The following KIAA1328 variants were observed in gnomAD, a reference collection of about 807,000 sequenced individuals.
The protein encoded by KIAA1328 is KIAA1328, also known as protein hinderin.
In KIAA1328, 52 loss-of-function variants were observed where a neutral mutation model predicts 68.1. The ratio of observed to expected loss-of-function variants is 0.76; its 90% CI spans 0.61 to 0.96. The LOEUF is 0.96. Among genes scored for constraint, KIAA1328 ranks in the 40% least tolerant of loss-of-function variants. The probability of loss-of-function intolerance (pLI) is 0.00; values close to 1 mark genes in which losing one functional copy is unlikely to be tolerated. For synonymous variants in KIAA1328, 232 were observed against 239.4 expected (o/e 0.97, Z 0.28); for missense variants, 641 against 677.6 (o/e 0.95, Z 0.60).
chr18:36,985,169 G>A (rs1010575416), intron 6 of KIAA1328, among the ~76,000 whole-genome samples: 4 of 151,864 alleles, frequency 2.6e-5, no homozygotes, highest in Non-Finnish European at 5.9e-5. Context: ...ACTGAGACAT[G>A]GTGGCCTTTG....
chr18:37,000,425 C>T lies in KIAA1328; in HGVS notation c.576+40990C>T, dbSNP rs2053545506. On this transcript the variant is annotated intron_variant, in intron 6 of 9. Transcript: ENST00000280020. ...CAGTAAAAGTGGGGGACTTCAACAC[C>T]CCACTCTCAGCATTAGATCATCAAG... 2.0e-5 allele frequency among the ~76,000 whole-genome samples: 3 copies of T among 151,882 alleles called. No individual in the cohort carries two copies. In the South Asian group the frequency reaches 6.2e-4, roughly 32 times the overall value.
chr18:37,160,921 A>G (rs1305135303), intron 8 of KIAA1328, among the ~76,000 whole-genome samples: 1 of 152,204 alleles, frequency 6.6e-6, no homozygotes, highest in East Asian at 1.9e-4. Context: ...ATAAGTAACT[A>G]TGTTAAATGT....
At chr18:36,863,307 CT>C (rs1416994176) in intron 4 of KIAA1328, among the ~76,000 whole-genome samples, 4 of 150,942 alleles carry the variant, frequency 2.7e-5, no homozygotes, top group Admixed American at 6.6e-5. Context: ...TTGTTGAAAT[CT>C]TTTTTGCACT....
At chr18:36,847,779 G>T (rs923061484) in intron 4 of KIAA1328, among the ~76,000 whole-genome samples, 1 of 151,364 alleles carries the variant, frequency 6.6e-6, no homozygotes, top group Non-Finnish European at 1.5e-5. Flanking sequence ...TGTGGTCCAG[G>T]CTTTTAGTGC....
At chr18:36,984,286 G>T (rs1442321443) in intron 6 of KIAA1328, among the ~76,000 whole-genome samples, 1 of 151,988 alleles carries the variant, frequency 6.6e-6, no homozygotes, top group Admixed American at 6.6e-5. Context: ...ATTAATAAAA[G>T]ACATCCAAAT....
rs763105137 is a variant in KIAA1328 at position 37,067,366 on chromosome 18, A to G, written c.1053A>G (p.Ala351=). The G allele has an allele frequency of 1.4e-5, 22 of 1,613,718 alleles. No homozygotes were observed. In the East Asian group the frequency reaches 4.5e-4, roughly 33 times the overall value. The change falls in exon 7 of 10, where the codon GCA becomes GCG. Residue 351 remains alanine, a synonymous_variant. Transcript: ENST00000280020. ...CATCTCTGGTGCATGGTGGTGGGGC[A>G]CTGCAACCCATTGAAACTTTGAAAA... ...SWASLVHGGG[A]LQPIETLKKQ...
intron 4 of KIAA1328, among the ~76,000 whole-genome samples, chr18:36,851,908 G>T (rs1361293429): frequency 6.6e-6 from 1 of 151,726 alleles, no homozygotes; most frequent in African/African-American, 2.4e-5. Context: ...TTAATTTAAG[G>T]TAGGAATTTA....
At chr18:36,865,738 G>T (rs1265969150) in intron 4 of KIAA1328, among the ~76,000 whole-genome samples, 1 of 152,104 alleles carries the variant, frequency 6.6e-6, no homozygotes, top group Non-Finnish European at 1.5e-5. Context: ...CAGCACACCA[G>T]TTCAGGATAC....
At chr18:37,077,377 T>A (rs886237479) in intron 7 of KIAA1328, among the ~76,000 whole-genome samples, 14 of 147,262 alleles carry the variant, frequency 9.5e-5, no homozygotes, top group African/African-American at 3.7e-4. Context: ...GCCAATACCA[T>A]ACTGAATGGG....
chr18:37,079,498 A>G (rs2056873163), intron 7 of KIAA1328, among the ~76,000 whole-genome samples: 1 of 151,106 alleles, frequency 6.6e-6, no homozygotes, highest in African/African-American at 2.4e-5. Context: ...AAATAAAATA[A>G]AAATAAAAAT....
intron 7 of KIAA1328, among the ~76,000 whole-genome samples, chr18:37,110,710 G>A (rs1272932291): frequency 6.6e-6 from 1 of 152,188 alleles, no homozygotes; most frequent in Non-Finnish European, 1.5e-5. Flanking sequence ...AAGTTTATGT[G>A]AAGATAGATG....
chr18:37,020,721 A>G (rs2054315378), intron 6 of KIAA1328, among the ~76,000 whole-genome samples: 1 of 152,152 alleles, frequency 6.6e-6, no homozygotes, highest in Non-Finnish European at 1.5e-5. Context: ...AGGTGTATGG[A>G]TCACCTTTTA....
intron 9 of KIAA1328, among the ~76,000 whole-genome samples, chr18:37,173,334 C>G (rs2059537339): frequency 6.6e-6 from 1 of 152,134 alleles, no homozygotes; most frequent in African/African-American, 2.4e-5. Context: ...TATCCTTCAC[C>G]AGAAAGTCTG....
intron 7 of KIAA1328, among the ~76,000 whole-genome samples, chr18:37,085,300 C>T (rs751361162): frequency 6.6e-6 from 1 of 152,136 alleles, no homozygotes; most frequent in Non-Finnish European, 1.5e-5. Flanking sequence ...TCTCACTTCC[C>T]TCTCTTCCCT....
chr18:36,957,215 A>C (rs2051455762), intron 5 of KIAA1328, among the ~76,000 whole-genome samples: 2 of 152,200 alleles, frequency 1.3e-5, no homozygotes, highest in Admixed American at 1.3e-4. Context: ...CTGAAACCAG[A>C]CACCATTTTG....
chr18:37,142,056 AAGTT>A (rs1457710497), intron 7 of KIAA1328, among the ~76,000 whole-genome samples: 5 of 152,210 alleles, frequency 3.3e-5, no homozygotes, highest in African/African-American at 4.8e-5. Context: ...ATATTGATGA[AAGTT>A]AGAAAGATAT....
intron 4 of KIAA1328, among the ~76,000 whole-genome samples, chr18:36,845,352 C>T (rs952480706): frequency 6.6e-6 from 1 of 151,616 alleles, no homozygotes; most frequent in African/African-American, 2.4e-5. Flanking sequence ...AGGTGATGTT[C>T]TTGTGAGGCT....
Position 37,108,783 on chromosome 18 carries a change from G to T in KIAA1328, c.1232+41238G>T, listed in dbSNP as rs548080870. ...GGTGTTTTTTGTTTTGTTTTGTTTT[G>T]TTTTTATTATTATACTTTAAGTTCT... On this transcript the variant is annotated intron_variant, in intron 7 of 9. Transcript: ENST00000280020. Among the ~76,000 whole-genome samples the T allele has an allele frequency of 2.6e-5, 4 of 151,904 alleles. No homozygotes were observed. In the South Asian group the frequency reaches 6.2e-4, roughly 24 times the overall value.
chr18:37,169,851 T>G (rs1414728314), intron 8 of KIAA1328, among the ~76,000 whole-genome samples: 1 of 152,252 alleles, frequency 6.6e-6, no homozygotes, highest in African/African-American at 2.4e-5. Context: ...CTTACAATTA[T>G]GAGGTATCTG....
Sources: gnomAD v4.1 joint callset for allele counts (sites outside exome capture counted in the v4.1 genomes callset) on GRCh38, gnomAD v4.1.1 for gene constraint, MANE v1.5 for transcripts, NCBI Gene and HGNC (gene_info 2026-07-23, HGNC 2026-07-21) for gene names.